The following SEMA6D variants were observed in gnomAD, a reference collection of about 807,000 sequenced individuals.
SEMA6D encodes semaphorin-6D.
In SEMA6D, 35 loss-of-function variants were observed where a neutral mutation model predicts 106.6. The observed-to-expected ratio is 0.33, with a 90% confidence interval of 0.25 to 0.44. SEMA6D has a LOEUF of 0.44. SEMA6D is among the 20% of genes least tolerant of loss of function. The probability of loss-of-function intolerance (pLI) is 1.00; values close to 1 mark genes in which losing one functional copy is unlikely to be tolerated. For synonymous variants in SEMA6D, 499 were observed against 487.7 expected (o/e 1.02, Z -0.31); for missense variants, 1,185 against 1,345.9 (o/e 0.88, Z 1.87).
chr15:47,367,453 A>G (rs2039073383), intron 1 of SEMA6D, among the ~76,000 whole-genome samples: 1 of 152,078 alleles, frequency 6.6e-6, no homozygotes, highest in Admixed American at 6.5e-5. Context: ...TTCTCACATC[A>G]ATTAACCACA....
chr15:47,571,640 C>T (rs1336874517), intron 3 of SEMA6D, among the ~76,000 whole-genome samples: 1 of 152,134 alleles, frequency 6.6e-6, no homozygotes, highest in African/African-American at 2.4e-5. Context: ...AAACATTCTG[C>T]TAAAACTTTT....
chr15:47,472,091 C>A (rs113826791), intron 3 of SEMA6D, among the ~76,000 whole-genome samples: 2,365 of 152,114 alleles, frequency 0.016, 46 homozygotes, highest in African/African-American at 0.036. Flanking sequence ...ATCAGCAAAA[C>A]GCAAGAAGGC....
intron 1 of SEMA6D, among the ~76,000 whole-genome samples, chr15:47,751,086 C>A (rs147883393): frequency 6.6e-6 from 1 of 152,070 alleles, no homozygotes; most frequent in Non-Finnish European, 1.5e-5. Flanking sequence ...GTCTTCTTAC[C>A]ACACATGGAA....
chr15:47,219,228 A>G (rs773901982), intron 1 of SEMA6D, among the ~76,000 whole-genome samples: 1 of 152,184 alleles, frequency 6.6e-6, no homozygotes, highest in Non-Finnish European at 1.5e-5. Flanking sequence ...AGCTGGATGG[A>G]GTTGGGAGTG....
At chr15:47,217,874 T>TACACACACAC (rs150525483) in intron 1 of SEMA6D, among the ~76,000 whole-genome samples, 5,218 of 143,056 alleles carry the variant, frequency 0.036, 211 homozygotes, top group African/African-American at 0.089. Flanking sequence ...TGTACACACA[T>TACACACACAC]ACACACACAC....
intron 1 of SEMA6D, among the ~76,000 whole-genome samples, chr15:47,344,861 T>C (rs1322930628): frequency 6.6e-6 from 1 of 152,198 alleles, no homozygotes; most frequent in Non-Finnish European, 1.5e-5. Flanking sequence ...CAAAGTTATA[T>C]AATAAAATAT....
intron 4 of SEMA6D, among the ~76,000 whole-genome samples, chr15:47,602,998 A>G (rs1043495330): frequency 2.6e-5 from 4 of 152,174 alleles, no homozygotes; most frequent in African/African-American, 9.7e-5. Flanking sequence ...AACAGAACTC[A>G]GAGAATGAGA....
At chr15:47,186,541 T>G (rs937864241) in intron 1 of SEMA6D, among the ~76,000 whole-genome samples, 6 of 131,844 alleles carry the variant, frequency 4.6e-5, no homozygotes, top group African/African-American at 1.4e-4. Flanking sequence ...TTTTTTTTTT[T>G]GCTTAAAAAC....
chr15:47,547,518 G>C (rs1292420923), intron 3 of SEMA6D, among the ~76,000 whole-genome samples: 1 of 152,152 alleles, frequency 6.6e-6, no homozygotes, highest in African/African-American at 2.4e-5. Flanking sequence ...CAGAGCTCCT[G>C]TTTCTATGCT....
chr15:47,559,146 AT>A (rs550337596), intron 3 of SEMA6D, among the ~76,000 whole-genome samples: 264 of 152,236 alleles, frequency 1.7e-3, no homozygotes, highest in South Asian at 2.9e-3. Context: ...GAAAGATACC[AT>A]TGTAAAGACA....
At chr15:47,711,305 G>C (rs1177284128) in intron 4 of SEMA6D, among the ~76,000 whole-genome samples, 2 of 42,856 alleles carry the variant, frequency 4.7e-5, no homozygotes, top group Non-Finnish European at 8.0e-5. Flanking sequence ...GCGAGACTCC[G>C]TCTCAAAAAA....
rs2078575145 is a variant in SEMA6D at position 47,690,983 on chromosome 15, C to A, written c.-54-68762C>A. On this transcript the variant is annotated intron_variant, in intron 4 of 19. Transcript: ENST00000558014. ...CTCATGACCATCATACTTCTGAGTA[C>A]TGGCTAGTTATTTTTTAGAATATGC... Among the ~76,000 whole-genome samples the A allele has an allele frequency of 2.0e-5, 3 of 152,128 alleles. No individual in the cohort carries two copies. The South Asian group carries it at 6.2e-4, about 31-fold the overall frequency.
At chr15:47,670,829 C>A (rs762477552) in intron 4 of SEMA6D, among the ~76,000 whole-genome samples, 6 of 152,082 alleles carry the variant, frequency 3.9e-5, no homozygotes, top group African/African-American at 7.2e-5. Context: ...AATTTCTAAG[C>A]ATTAGGCAAT....
chr15:47,552,139 G>A (rs946383001), intron 3 of SEMA6D, among the ~76,000 whole-genome samples: 5 of 152,092 alleles, frequency 3.3e-5, no homozygotes, highest in African/African-American at 1.2e-4. Flanking sequence ...AGAATAGTGC[G>A]ATGAACTATG....
At chr15:47,318,267 A>T (rs28482079) in intron 1 of SEMA6D, among the ~76,000 whole-genome samples, 64,915 of 149,692 alleles carry the variant, frequency 0.43, 16,325 homozygotes, top group Non-Finnish European at 0.56. Context: ...TCTTTTTTTT[A>T]AAATTTATTA....
chr15:47,311,801 G>A (rs1034761743), intron 1 of SEMA6D, among the ~76,000 whole-genome samples: 3 of 152,156 alleles, frequency 2.0e-5, no homozygotes, highest in Admixed American at 2.0e-4. Context: ...ATCTCTTTCG[G>A]TGAGTTTTAT....
chr15:47,247,900 G>A (rs938268840), intron 1 of SEMA6D, among the ~76,000 whole-genome samples: 4 of 152,146 alleles, frequency 2.6e-5, no homozygotes, highest in African/African-American at 9.7e-5. Context: ...TCAGACTTGA[G>A]GGTCAAAAGG....
chr15:47,190,219 C>G (rs17355559), intron 1 of SEMA6D, among the ~76,000 whole-genome samples: 21,083 of 152,112 alleles, frequency 0.14, 1,891 homozygotes, highest in South Asian at 0.18. Flanking sequence ...AGTTAATATC[C>G]CTCACTAGCT....
chr15:47,416,039 A>C (rs80144092), intron 2 of SEMA6D, among the ~76,000 whole-genome samples: 1 of 152,140 alleles, frequency 6.6e-6, no homozygotes, highest in Non-Finnish European at 1.5e-5. Context: ...ATGTGGGTCA[A>C]AGAAATTGCC....
Sources: allele counts gnomAD v4.1 joint callset (sites outside exome capture counted in the v4.1 genomes callset), GRCh38; gene constraint gnomAD v4.1.1; transcripts MANE v1.5; gene names NCBI Gene and HGNC (gene_info 2026-07-23, HGNC 2026-07-21).